Variants in KIAA1217 observed in about 807,000 individuals in gnomAD.
KIAA1217 encodes KIAA1217.
KIAA1217 carries 88 observed loss-of-function variants against 163.9 expected under a neutral mutation model. The observed-to-expected ratio is 0.54, with a 90% CI of 0.45 to 0.64. KIAA1217 has a LOEUF of 0.64. KIAA1217 is among the 30% of genes least tolerant of loss of function. The probability of loss-of-function intolerance (pLI) is 0.00; values close to 1 mark genes in which losing one functional copy is unlikely to be tolerated. For synonymous variants in KIAA1217, 903 were observed against 923.1 expected, an observed-to-expected ratio of 0.98 and a Z score of 0.39; for missense variants, 2,372 against 2,475.0, an observed-to-expected ratio of 0.96 and a Z score of 0.88.
At position 24,533,118 on chromosome 10, in the gene KIAA1217, T is replaced by C. The variant is rs760959345; in HGVS notation, c.3295T>C (p.Tyr1099His). 4 of 1,613,754 alleles carry C rather than the reference T, an allele frequency of 2.5e-6. No homozygotes were observed. In the South Asian group the frequency reaches 4.4e-5, roughly 18 times the overall value. ...GPSPQTRATK[Y>H]PAEEPASAWT... ...AAGCCCACAGACCAGAGCTACAAAA[T>C]ATCCAGCAGAGGAGCCTGCTTCAGC... Residue 1099 changes from tyrosine (Y) to histidine (H), a missense_variant, in exon 16 of 21, where the codon TAT becomes CAT. Physicochemically the swap from Tyr to His is moderately conservative, Grantham distance 83. Coordinates refer to ENST00000376454, the MANE Select transcript of KIAA1217 (RefSeq NM_019590.5).
chr10:24,294,089 G>A (rs989413248), intron 2 of KIAA1217, among the ~76,000 whole-genome samples: 1 of 149,968 alleles, frequency 6.7e-6, no homozygotes, highest in Admixed American at 6.7e-5. Context: ...CTACTGGGGA[G>A]GCTGAGGCGA....
At chr10:24,036,352 G>A (rs1314867577) in intron 2 of KIAA1217, among the ~76,000 whole-genome samples, 1 of 152,128 alleles carries the variant, frequency 6.6e-6, no homozygotes, top group Admixed American at 6.5e-5. Context: ...AGATATATGT[G>A]GGGAGGGGGT....
intron 1 of KIAA1217, among the ~76,000 whole-genome samples, chr10:23,892,917 T>G (rs1214987475): frequency 1.3e-5 from 2 of 151,954 alleles, no homozygotes; most frequent in Non-Finnish European, 2.9e-5. Flanking sequence ...GAAAACAACG[T>G]GGCATTGACG....
chr10:24,222,092 T>C (rs1029453473), intron 2 of KIAA1217, among the ~76,000 whole-genome samples: 1 of 152,254 alleles, frequency 6.6e-6, no homozygotes, highest in Non-Finnish European at 1.5e-5. Context: ...TTTGTAGTGT[T>C]ATAATTATTG....
At chr10:23,952,876 G>A (rs1454190097) in intron 1 of KIAA1217, among the ~76,000 whole-genome samples, 1 of 152,204 alleles carries the variant, frequency 6.6e-6, no homozygotes, top group East Asian at 1.9e-4. Context: ...TTTCAAGCAT[G>A]AGGACTTGGC....
chr10:23,737,374 T>TTTTTTC (rs71272836), intron 1 of KIAA1217, among the ~76,000 whole-genome samples: 2 of 151,994 alleles, frequency 1.3e-5, no homozygotes, highest in African/African-American at 4.8e-5. Context: ...AATTTTTTTT[T>TTTTTTC]AGTAGAGACG....
chr10:24,124,769 GA>G, intron 2 of KIAA1217, among the ~76,000 whole-genome samples: 1 of 151,962 alleles, frequency 6.6e-6, no homozygotes, highest in Non-Finnish European at 1.5e-5. Flanking sequence ...GCTATTCTGG[GA>G]AAAACTCTAC....
At chr10:23,837,413 T>A (rs1364664115) in intron 1 of KIAA1217, among the ~76,000 whole-genome samples, 1 of 152,204 alleles carries the variant, frequency 6.6e-6, no homozygotes, top group African/African-American at 2.4e-5. Flanking sequence ...ACCTTAGTAA[T>A]TTAATAATCC....
At position 23,790,262 on chromosome 10, in the gene KIAA1217, T is replaced by TGC. The variant is rs1263874142; in HGVS notation, c.-321+95029_-321+95030dup. Among the ~76,000 whole-genome samples, 2 of 113,638 alleles carry TGC rather than the reference T, an allele frequency of 1.8e-5. 1 individual carries two copies. The highest frequency in any genetic ancestry group is 3.6e-5 in the Non-Finnish European group (2 of 56,270). The allele number at this position is 113,638 out of a possible 152,430, so 74.6% of individuals were successfully genotyped here. A position where few individuals can be genotyped will look rare whatever the true frequency, so the allele number is the denominator to read the frequency against. On this transcript the variant is annotated intron_variant, in intron 1 of 18. Transcript: ENST00000376462. Reference sequence around the variant, plus strand: ...ATATGCACATATGCATATGCACATATGCATATGCACATATGCATATGCACA... The same window carrying TGC: ...ATATGCACATATGCATATGCACATATGCGCATATGCACATATGCATATGCACA...
At chr10:24,065,553 T>C (rs2060906460) in intron 2 of KIAA1217, among the ~76,000 whole-genome samples, 1 of 152,210 alleles carries the variant, frequency 6.6e-6, no homozygotes, top group South Asian at 2.1e-4. Context: ...AGGAGTGCTT[T>C]ACTTCCAACT....
intron 2 of KIAA1217, among the ~76,000 whole-genome samples, chr10:24,361,698 A>G (rs954516194): frequency 6.6e-6 from 1 of 152,108 alleles, no homozygotes; most frequent in Non-Finnish European, 1.5e-5. Flanking sequence ...TGGCTGGGCC[A>G]GGGGCGATGG....
chr10:24,401,865 A>C (rs1056148145), intron 3 of KIAA1217, among the ~76,000 whole-genome samples: 3 of 152,262 alleles, frequency 2.0e-5, no homozygotes, highest in African/African-American at 4.8e-5. Context: ...GAGTGAGTTC[A>C]AGATCAACAT....
chr10:24,133,398 C>T (rs900893789), intron 2 of KIAA1217, among the ~76,000 whole-genome samples: 3 of 151,742 alleles, frequency 2.0e-5, no homozygotes, highest in Non-Finnish European at 4.4e-5. Context: ...ATGGTGAAAC[C>T]CTGTCTCTAT....
At chr10:24,482,348 A>G (rs2064824580) in intron 6 of KIAA1217, 1 of 152,236 alleles carries the variant, frequency 6.6e-6, no homozygotes, top group African/African-American at 2.4e-5. Flanking sequence ...GCCAGAAAAA[A>G]CTAAATACTG....
At chr10:24,296,250 C>G (rs2040594104) in intron 2 of KIAA1217, among the ~76,000 whole-genome samples, 1 of 152,152 alleles carries the variant, frequency 6.6e-6, no homozygotes, top group African/African-American at 2.4e-5. Context: ...CTTACAGGTG[C>G]ACATCATCAA....
chr10:23,795,190 G>A (rs911320078), intron 1 of KIAA1217, among the ~76,000 whole-genome samples: 4 of 152,186 alleles, frequency 2.6e-5, no homozygotes, highest in African/African-American at 4.8e-5. Context: ...GATCACTCAA[G>A]AAAGGACCTC....
chr10:23,883,868 C>T (rs117321564), intron 1 of KIAA1217, among the ~76,000 whole-genome samples: 1,669 of 152,022 alleles, frequency 0.011, 51 homozygotes, highest in Admixed American at 0.049. Flanking sequence ...TAGTTGGAAT[C>T]GCATTGTATG....
intron 2 of KIAA1217, among the ~76,000 whole-genome samples, chr10:24,053,200 T>A (rs371279731): frequency 6.6e-6 from 1 of 151,732 alleles, no homozygotes; most frequent in African/African-American, 2.4e-5. Flanking sequence ...GAGGAAACTA[T>A]AAGTAAGTAA....
chr10:23,792,779 G>C (rs1836016978), intron 1 of KIAA1217, among the ~76,000 whole-genome samples: 1 of 151,996 alleles, frequency 6.6e-6, no homozygotes, highest in Non-Finnish European at 1.5e-5. Flanking sequence ...TGGGATTACA[G>C]GTGTGAGCCA....
Sources: allele counts gnomAD v4.1 joint callset (sites outside exome capture counted in the v4.1 genomes callset), GRCh38; gene constraint gnomAD v4.1.1; transcripts MANE v1.5; gene names NCBI Gene and HGNC (gene_info 2026-07-23, HGNC 2026-07-21).